Variants in RPA3 observed in about 807,000 individuals in gnomAD.
RPA3 encodes the protein replication protein A 14 kDa subunit.
RPA3 carries 24 observed loss-of-function variants against 13.7 expected under a neutral mutation model. The ratio of observed to expected loss-of-function variants is 1.75; its 90% CI spans 1.27 to 2.46. The LOEUF is 2.46. Ranked by LOEUF, RPA3 falls within the 30% of genes most tolerant of loss-of-function variation. The pLI is 0.00. For synonymous variants in RPA3, 59 were observed against 51.2 expected, an observed-to-expected ratio of 1.15 and a Z score of -0.65; for missense variants, 183 against 151.0, an observed-to-expected ratio of 1.21 and a Z score of -1.11.
At chr7:7,676,008 G>A in intron 4 of RPA3, 1 of 396,338 alleles carries the variant, frequency 2.5e-6, no homozygotes, top group Non-Finnish European at 4.4e-6. Flanking sequence ...CTCTCCTGAA[G>A]TTTTGATGGT....
At chr7:7,662,507 C>T (rs991384562) in intron 4 of RPA3, among the ~76,000 whole-genome samples, 3 of 152,152 alleles carry the variant, frequency 2.0e-5, no homozygotes, top group Admixed American at 1.3e-4. Flanking sequence ...GCGTAGTATC[C>T]GGACCGGAGT....
chr7:7,660,104 C>T (rs1409912729), intron 4 of RPA3, among the ~76,000 whole-genome samples: 1 of 152,180 alleles, frequency 6.6e-6, no homozygotes, highest in Admixed American at 6.5e-5. Context: ...TCTGTTTTAT[C>T]AGAGACTACG....
chr7:7,670,120 G>A (rs964715557), intron 4 of RPA3, among the ~76,000 whole-genome samples: 2 of 152,146 alleles, frequency 1.3e-5, no homozygotes, highest in South Asian at 2.1e-4. Flanking sequence ...CAATACTTGG[G>A]TTAAAAACAG....
At chr7:7,652,023 G>C (rs1008392366) in intron 4 of RPA3, among the ~76,000 whole-genome samples, 3 of 152,168 alleles carry the variant, frequency 2.0e-5, no homozygotes, top group African/African-American at 7.2e-5. Context: ...TTGTCAGGGA[G>C]GGGTAGAAGG....
intron 4 of RPA3, among the ~76,000 whole-genome samples, chr7:7,669,223 C>T (rs1003172787): frequency 6.6e-6 from 1 of 151,956 alleles, no homozygotes; most frequent in African/African-American, 2.4e-5. Flanking sequence ...GGAACATGTC[C>T]CCCATGGATA....
In RPA3 at chr7:7,667,593, T is replaced by C. The variant is rs566272463; in HGVS notation, c.-758+18237A>G. On this transcript the variant is annotated intron_variant, in intron 4 of 7. Transcript: ENST00000223129. ...TTGTCTGGCCTATCCACTTAATGAA[T>C]GTTTATATTATAAAAGTATGAAGTA... 1.8e-4 allele frequency among the ~76,000 whole-genome samples: 27 copies of C among 151,132 alleles called. 1 individual carries two copies. The highest frequency in any genetic ancestry group is 6.4e-4 in the African/African-American group (26 of 40,430).
chr7:7,677,177 A>G (rs1779762016), intron 4 of RPA3, among the ~76,000 whole-genome samples: 1 of 152,204 alleles, frequency 6.6e-6, no homozygotes, highest in African/African-American at 2.4e-5. Flanking sequence ...ACACAGGCAT[A>G]TAATGTGTAG....
rs143454521 is a variant in RPA3 at position 7,639,070 on chromosome 7, G to T, written c.174C>A (p.Pro58=). The T allele has an allele frequency of 1.7e-4, 275 of 1,607,498 alleles. No individual in the cohort carries two copies. The highest frequency in any genetic ancestry group is 2.2e-4 in the Non-Finnish European group (259 of 1,176,426). ...GKNGTIELME[P]LDEEISGIVE... ...GAGACTTATTAACACTTAAACATAC[G>T]GGTTCCATCAACTCGATGGTTCCAT... is the stretch of plus-strand genomic sequence containing the variant. Residue 58 remains proline (P), a splice_region_variant and synonymous_variant, in exon 6 of 8, where the codon CCC becomes CCA. Coordinates refer to ENST00000223129, the MANE Select transcript of RPA3 (RefSeq NM_002947.5).
intron 2 of RPA3, among the ~76,000 whole-genome samples, chr7:7,714,885 CA>C (rs1272526470): frequency 7.8e-6 from 1 of 127,962 alleles, no homozygotes; most frequent in African/African-American, 3.0e-5. Context: ...TTGATAGTAA[CA>C]CTTGCAGACC....
intron 2 of RPA3, among the ~76,000 whole-genome samples, chr7:7,699,941 T>C (rs1268117024): frequency 6.6e-6 from 1 of 152,216 alleles, no homozygotes; most frequent in East Asian, 1.9e-4. Flanking sequence ...CACTTAAAAA[T>C]AAATTCCTGA....
intron 4 of RPA3, among the ~76,000 whole-genome samples, chr7:7,649,335 T>A (rs1188909700): frequency 1.3e-5 from 2 of 152,188 alleles, no homozygotes; most frequent in East Asian, 3.9e-4. Context: ...GGGGACTAAC[T>A]AATGCTTTTT....
In RPA3 at chr7:7,701,967, C is replaced by T. The variant is rs77390533; in HGVS notation, c.-1028+13208G>A. Among the ~76,000 whole-genome samples the T allele has an allele frequency of 3.3e-5, 5 of 152,136 alleles. No homozygotes were observed. In the East Asian group the frequency reaches 7.7e-4, roughly 23 times the overall value. ...TTTCTGACCTCTTTTCTCTTCTTAA[C>T]GAATTTTCCAAATAAGAGTGGCTCA... is the stretch of plus-strand genomic sequence containing the variant. On this transcript the variant is annotated intron_variant, in intron 2 of 7. Transcript: ENST00000223129.
intron 2 of RPA3, among the ~76,000 whole-genome samples, chr7:7,710,590 C>G (rs1780730473): frequency 6.6e-6 from 1 of 152,120 alleles, no homozygotes; most frequent in Admixed American, 6.5e-5. Context: ...ATCTGGATCA[C>G]TTATTGATGA....
At chr7:7,650,411 A>G (rs1450192982) in intron 4 of RPA3, among the ~76,000 whole-genome samples, 1 of 152,136 alleles carries the variant, frequency 6.6e-6, no homozygotes, top group East Asian at 1.9e-4. Flanking sequence ...TGGATGGTTA[A>G]TTTCTTCCAA....
At chr7:7,650,453 A>G (rs998241362) in intron 4 of RPA3, among the ~76,000 whole-genome samples, 3 of 152,158 alleles carry the variant, frequency 2.0e-5, no homozygotes, top group African/African-American at 7.2e-5. Context: ...TTACTCTTGT[A>G]ATGTCTGCTT....
At position 7,670,603 on chromosome 7, in the gene RPA3, C is replaced by T. The variant is rs561700022; in HGVS notation, c.-758+15227G>A. ...CCCAAGGCAGTCTGTCTCATTGCCC[C>T]ATTCAGATATAGCATCATGCTCAAA... On this transcript the variant is annotated intron_variant, in intron 4 of 7. Transcript: ENST00000223129. Among the ~76,000 whole-genome samples, 10 of 152,308 alleles carry T rather than the reference C, an allele frequency of 6.6e-5. No homozygotes were observed. In the East Asian group the frequency reaches 1.2e-3, roughly 18 times the overall value.
At chr7:7,645,269 G>A (rs1785068032) in intron 4 of RPA3, among the ~76,000 whole-genome samples, 5 of 152,152 alleles carry the variant, frequency 3.3e-5, no homozygotes, top group Admixed American at 3.3e-4. Flanking sequence ...TAGAAATAGT[G>A]TTTAAGTCAA....
intron 1 of RPA3, among the ~76,000 whole-genome samples, chr7:7,717,735 T>C (rs1324390015): frequency 6.6e-6 from 1 of 152,234 alleles, no homozygotes; most frequent in Non-Finnish European, 1.5e-5. Flanking sequence ...ACAAAGAAGT[T>C]AGTTTGTCAT....
At chr7:7,673,963 A>G (rs888467193) in intron 4 of RPA3, among the ~76,000 whole-genome samples, 7 of 152,182 alleles carry the variant, frequency 4.6e-5, no homozygotes, top group African/African-American at 1.7e-4. Flanking sequence ...TTTAAAAAAT[A>G]TTTCTTACAA....
Sources: gnomAD v4.1 joint callset for allele counts (sites outside exome capture counted in the v4.1 genomes callset) on GRCh38, gnomAD v4.1.1 for gene constraint, MANE v1.5 for transcripts, NCBI Gene and HGNC (gene_info 2026-07-23, HGNC 2026-07-21) for gene names.